The following ZNF670 variants were observed in gnomAD, a reference collection of about 807,000 sequenced individuals.
The protein encoded by ZNF670 is zinc finger protein 670.
A neutral mutation model predicts 10.9 loss-of-function variants in ZNF670; 7 were observed. That is an observed-to-expected ratio of 0.64 (90% CI 0.36 to 1.20). ZNF670 has a LOEUF of 1.20. Among genes scored for constraint, ZNF670 ranks in the 50% most tolerant of loss-of-function variants. The pLI, the probability that ZNF670 is intolerant of heterozygous loss-of-function variation, is 0.02. For missense variants in ZNF670, 446 were observed against 458.6 expected, an observed-to-expected ratio of 0.97 and a Z score of 0.25; for synonymous variants, 136 against 152.7, an observed-to-expected ratio of 0.89 and a Z score of 0.81.
At chr1:247,072,798 GTGTGTGTATATATATA>G (rs1393032021) in intron 1 of ZNF670, among the ~76,000 whole-genome samples, 6 of 19,058 alleles carry the variant, frequency 3.1e-4, no homozygotes, top group African/African-American at 8.4e-4. Context: ...AAAAAAAAAA[GTGTGTGTATATATATA>G]TATATATATA....
chr1:247,077,035 T>C (rs1671270587), intron 1 of ZNF670, among the ~76,000 whole-genome samples: 1 of 152,250 alleles, frequency 6.6e-6, no homozygotes, highest in Non-Finnish European at 1.5e-5. Flanking sequence ...GGGTATTCCT[T>C]GTCCTTTGAG....
In ZNF670 at chr1:247,036,415, G is replaced by C. The variant is rs1466154071; in HGVS notation, c.*1034C>G. On this transcript the variant is annotated 3_prime_UTR_variant, in exon 4 of 4. Transcript: ENST00000366503. ...TGTCAGTAACCCCAACATGTAGACA[G>C]GCTGAGGCAGGAGGATAGCTTGAGG... Among the ~76,000 whole-genome samples the C allele has an allele frequency of 1.3e-5, 2 of 152,182 alleles. No individual in the cohort carries two copies. The highest frequency in any genetic ancestry group is 4.8e-5 in the African/African-American group (2 of 41,440).
chr1:247,038,612 C>T (rs1670226411), intron 3 of ZNF670, among the ~76,000 whole-genome samples, 185 bp from the exon 4 acceptor site: 1 of 151,904 alleles, frequency 6.6e-6, no homozygotes, highest in Non-Finnish European at 1.5e-5. Context: ...GTCACATGTA[C>T]AGTATCTTGG....
At chr1:247,052,540 G>T (rs12118487) in intron 1 of ZNF670, among the ~76,000 whole-genome samples, 53,399 of 150,788 alleles carry the variant, frequency 0.35, 10,849 homozygotes, top group African/African-American at 0.55. Context: ...AGTTTTTTGG[G>T]TTTTTTTTTC....
chr1:247,038,477 T>C, intron 3 of ZNF670, 50 bp from the exon 4 acceptor site: 1 of 1,530,254 alleles, frequency 6.5e-7, no homozygotes, highest in South Asian at 1.3e-5. Context: ...ATGGTTTACA[T>C]TGCTACTAAT....
intron 2 of ZNF670, 122 bp from the exon 3 acceptor site, chr1:247,038,992 T>C (rs1670236146): frequency 1.8e-6 from 1 of 565,398 alleles, no homozygotes; most frequent in Non-Finnish European, 3.0e-6. Context: ...CCTTTCCACA[T>C]GCCAAATCAG....
intron 1 of ZNF670, chr1:247,043,444 T>C (rs1670366625): frequency 3.3e-6 from 2 of 608,052 alleles, no homozygotes; most frequent in Admixed American, 5.1e-5. Flanking sequence ...ATAAACATAA[T>C]AAAAAAAACT....
At chr1:247,076,382 G>C (rs1231715590) in intron 1 of ZNF670, among the ~76,000 whole-genome samples, 2 of 151,446 alleles carry the variant, frequency 1.3e-5, no homozygotes. Flanking sequence ...TCAGCCTCCT[G>C]AGTAGCTGGG....
At chr1:247,073,145 A>G (rs1671177588) in intron 1 of ZNF670, among the ~76,000 whole-genome samples, 1 of 152,044 alleles carries the variant, frequency 6.6e-6, no homozygotes. Context: ...GCATAAAACA[A>G]TTTATTCCAA....
chr1:247,049,339 T>C (rs1670538084), intron 1 of ZNF670, among the ~76,000 whole-genome samples: 1 of 152,094 alleles, frequency 6.6e-6, no homozygotes, highest in Non-Finnish European at 1.5e-5. Context: ...GTGCTGGGAT[T>C]ACAGGCATGA....
chr1:247,062,049 T>C (rs1426166006), intron 1 of ZNF670, among the ~76,000 whole-genome samples: 1 of 152,246 alleles, frequency 6.6e-6, no homozygotes, highest in East Asian at 1.9e-4. Context: ...TTGCCGATGG[T>C]TGTCCCGTAG....
At chr1:247,039,584 G>A (rs1200792831) in intron 1 of ZNF670, 47 bp from the exon 2 acceptor site, 1 of 1,492,334 alleles carries the variant, frequency 6.7e-7, no homozygotes, top group Non-Finnish European at 8.9e-7. Flanking sequence ...TAGACAGACA[G>A]TACTAAGAAT....
chr1:247,037,851 C>T lies in ZNF670; in HGVS notation c.768G>A (p.Lys256=). The T allele has an allele frequency of 6.2e-7, 1 of 1,613,430 alleles. No individual in the cohort carries two copies. The highest frequency in any genetic ancestry group is 2.2e-5 in the East Asian group (1 of 44,870). The part of the protein sequence containing the change: ...SHTGEKPYEC[K]ECGKAFSRST... ...AACGACTGAAGGCTTTGCCACATTCCTTACATTCATAGGGTTTCTCTCCAG... is the reference window on the plus strand; with the variant it reads ...AACGACTGAAGGCTTTGCCACATTCTTTACATTCATAGGGTTTCTCTCCAG... Residue 256 remains lysine (K), a synonymous_variant, in exon 4 of 4, where the codon AAG becomes AAA. Transcript: ENST00000366503.
At chr1:247,047,720 T>TA (rs576547429) in intron 1 of ZNF670, among the ~76,000 whole-genome samples, 166 of 152,332 alleles carry the variant, frequency 1.1e-3, no homozygotes, top group African/African-American at 3.8e-3. Flanking sequence ...CCTTAATTCT[T>TA]AAAGTTTTCT....
chr1:247,043,887 G>C, intron 1 of ZNF670: 1 of 318,564 alleles, frequency 3.1e-6, no homozygotes, highest in Non-Finnish European at 6.0e-6. Flanking sequence ...GAATTAAACT[G>C]AATCTGATAT....
At chr1:247,072,710 C>T (rs1441069180) in intron 1 of ZNF670, among the ~76,000 whole-genome samples, 4 of 149,312 alleles carry the variant, frequency 2.7e-5, no homozygotes, top group Non-Finnish European at 1.5e-5. Context: ...TTGCTTGAAC[C>T]TGGGAGTCGG....
chr1:247,038,759 C>T, intron 3 of ZNF670, 51 bp downstream of exon 3: 1 of 1,476,552 alleles, frequency 6.8e-7, no homozygotes, highest in South Asian at 1.2e-5. Context: ...AAACTTATGA[C>T]ATGCTAAGAT....
chr1:247,059,976 A>G (rs1049637123), intron 1 of ZNF670, among the ~76,000 whole-genome samples: 1 of 152,214 alleles, frequency 6.6e-6, no homozygotes, highest in African/African-American at 2.4e-5. Context: ...TAATGATAGA[A>G]AAAAAGATCT....
intron 2 of ZNF670, 106 bp from the exon 3 acceptor site, chr1:247,038,976 G>T: frequency 1.4e-6 from 1 of 690,082 alleles, no homozygotes; most frequent in Non-Finnish European, 2.3e-6. Context: ...TTTCACCAAA[G>T]TACTCCCTTT....
Sources: allele counts gnomAD v4.1 joint callset (sites outside exome capture counted in the v4.1 genomes callset), GRCh38; gene constraint gnomAD v4.1.1; transcripts MANE v1.5; gene names NCBI Gene and HGNC (gene_info 2026-07-23, HGNC 2026-07-21).